FMNL2: variants seen among roughly 807,000 people sequenced by gnomAD.
FMNL2 encodes the protein formin-like protein 2.
FMNL2 carries 51 observed loss-of-function variants against 130.2 expected under a neutral mutation model. The observed-to-expected ratio is 0.39, with a 90% confidence interval of 0.31 to 0.49. The LOEUF (loss-of-function observed/expected upper bound fraction) is 0.49, where lower values mean the gene tolerates loss of function less well. Among genes scored for constraint, FMNL2 ranks in the 20% least tolerant of loss-of-function variants. The pLI, the probability that FMNL2 is intolerant of heterozygous loss-of-function variation, is 0.85. For missense variants in FMNL2, 977 were observed against 1,316.2 expected (o/e 0.74, Z 3.99); for synonymous variants, 465 against 467.1 (o/e 1.00, Z 0.06).
chr2:152,399,597 C>A (rs1190538667), intron 1 of FMNL2, among the ~76,000 whole-genome samples: 2 of 151,794 alleles, frequency 1.3e-5, no homozygotes, highest in Non-Finnish European at 2.9e-5. Context: ...CTGGGGTTGG[C>A]AGTGAAGTAG....
At chr2:152,449,279 G>T (rs77006803) in intron 1 of FMNL2, among the ~76,000 whole-genome samples, 7 of 152,080 alleles carry the variant, frequency 4.6e-5, no homozygotes, top group Non-Finnish European at 1.5e-5. Context: ...TGCTTAATAT[G>T]CAGTGATATG....
rs552912805 is a variant in FMNL2, at chr2:152,404,062, G to A, written c.117+68342G>A. On this transcript the variant is annotated intron_variant, in intron 1 of 25. Transcript: ENST00000288670. ...CAGCCTGGTGACAGAGCGAGACTCC[G>A]TCTCAATAAATAAATAAATAAATGT... Among the ~76,000 whole-genome samples the A allele has an allele frequency of 5.9e-5, 9 of 152,278 alleles. No individual in the cohort carries two copies. In the South Asian group the frequency reaches 8.3e-4, roughly 14 times the overall value.
chr2:152,524,893 G>A (rs1373673985), intron 2 of FMNL2, among the ~76,000 whole-genome samples: 1 of 152,162 alleles, frequency 6.6e-6, no homozygotes, highest in Non-Finnish European at 1.5e-5. Flanking sequence ...GGCTGTTAGA[G>A]ACCATTTATC....
chr2:152,401,851 GA>G (rs1294132741), intron 1 of FMNL2, among the ~76,000 whole-genome samples: 8 of 142,206 alleles, frequency 5.6e-5, no homozygotes, highest in African/African-American at 1.8e-4. Flanking sequence ...GAGAGGCAGA[GA>G]AAAAAACTGA....
chr2:152,563,858 G>A (rs1695662665), intron 6 of FMNL2, among the ~76,000 whole-genome samples: 1 of 152,094 alleles, frequency 6.6e-6, no homozygotes, highest in Non-Finnish European at 1.5e-5. Context: ...CACTAGAGCT[G>A]CTTCTCCCCT....
At chr2:152,488,525 A>G (rs964593550) in intron 1 of FMNL2, among the ~76,000 whole-genome samples, 5 of 152,260 alleles carry the variant, frequency 3.3e-5, no homozygotes, top group Non-Finnish European at 5.9e-5. Flanking sequence ...ATCACAAAAG[A>G]AAAACTGAGA....
chr2:152,363,897 C>T (rs1683333234), intron 1 of FMNL2, among the ~76,000 whole-genome samples: 1 of 152,120 alleles, frequency 6.6e-6, no homozygotes, highest in Non-Finnish European at 1.5e-5. Context: ...GTGTCTGGCA[C>T]CTGCTAGACA....
In FMNL2 at chr2:152,428,463, ATTTTTC is replaced by A. The variant is rs1240363903; in HGVS notation, c.117+92746_117+92751del. Among the ~76,000 whole-genome samples, 7 of 152,120 alleles carry A rather than the reference ATTTTTC, an allele frequency of 4.6e-5. No homozygotes were observed. In the East Asian group the frequency reaches 1.4e-3, roughly 29 times the overall value. On this transcript the variant is annotated intron_variant, in intron 1 of 25. Transcript: ENST00000288670. ...TATTGCTCTTTGTGTTGCCTGCAGT[ATTTTTC>A]TTCTCATTTGTAAATATATTTTCCA...
chr2:152,391,994 C>T (rs942737887), intron 1 of FMNL2, among the ~76,000 whole-genome samples: 1 of 148,862 alleles, frequency 6.7e-6, no homozygotes, highest in African/African-American at 2.5e-5. Flanking sequence ...ATGCCAACTC[C>T]TTGATTCATT....
At chr2:152,557,370 T>C (rs1239400662) in intron 4 of FMNL2, among the ~76,000 whole-genome samples, 2 of 152,218 alleles carry the variant, frequency 1.3e-5, no homozygotes, top group Admixed American at 6.5e-5. Flanking sequence ...TTAAATGTTA[T>C]ATGTTTACAG....
intron 15 of FMNL2, chr2:152,622,636 C>G: frequency 2.2e-6 from 1 of 456,268 alleles, no homozygotes; most frequent in Non-Finnish European, 4.4e-6. Flanking sequence ...CATCTTTCCA[C>G]TCCATTTTGC....
intron 1 of FMNL2, among the ~76,000 whole-genome samples, chr2:152,415,340 A>G (rs952024083): frequency 6.6e-6 from 1 of 152,228 alleles, no homozygotes; most frequent in Non-Finnish European, 1.5e-5. Flanking sequence ...GCTCTGCTGC[A>G]TTTTGAGTAC....
rs1362731707 is a variant in FMNL2, at chr2:152,397,382, TA to T, written c.117+61663del. 2.2e-4 allele frequency among the ~76,000 whole-genome samples: 9 copies of T among 40,574 alleles called. No individual in the cohort carries two copies. In the East Asian group the frequency reaches 0.026, roughly 119 times the overall value. The allele number at this position is 40,574 out of a possible 152,430, so 26.6% of individuals were successfully genotyped here. ...TTTCCTTTTATCTGTCTGAGCCAGT[TA>T]GGGGGAAAAAAAAAAATGAGGTTTT... On this transcript the variant is annotated intron_variant, in intron 1 of 25. Coordinates refer to ENST00000288670, the MANE Select transcript of FMNL2 (RefSeq NM_052905.4).
chr2:152,643,887 A>G (rs1250273939), intron 25 of FMNL2: 5 of 985,350 alleles, frequency 5.1e-6, no homozygotes, highest in African/African-American at 1.7e-5. Flanking sequence ...ATGTCCTTCA[A>G]CATATCCATT....
At chr2:152,370,680 C>A (rs1187607482) in intron 1 of FMNL2, among the ~76,000 whole-genome samples, 1 of 152,116 alleles carries the variant, frequency 6.6e-6, no homozygotes, top group Admixed American at 6.5e-5. Flanking sequence ...TTACTTGAAC[C>A]TTTGTGAAGG....
rs1245425532 is a variant in FMNL2, at chr2:152,601,374, A to C, written c.877-5965A>C. 1.2e-4 allele frequency among the ~76,000 whole-genome samples: 17 copies of C among 139,588 alleles called. No individual in the cohort carries two copies. The South Asian group carries it at 1.8e-3, about 14-fold the overall frequency. The allele number at this position is 139,588 out of a possible 152,430, so 91.6% of individuals were successfully genotyped here. A position where few individuals can be genotyped will look rare whatever the true frequency, so the allele number is the denominator to read the frequency against. On this transcript the variant is annotated intron_variant, in intron 9 of 25. Transcript: ENST00000288670. ...GGAGTGCAGTGGCACGATCTCGGCT[A>C]ACTGCAACCTCCATCCCCCAGGTTC...
At chr2:152,504,534 C>T (rs1050332398) in intron 1 of FMNL2, among the ~76,000 whole-genome samples, 9 of 152,144 alleles carry the variant, frequency 5.9e-5, no homozygotes, top group East Asian at 1.9e-4. Context: ...CATGAGCCAC[C>T]GCGCTCAGCC....
intron 1 of FMNL2, among the ~76,000 whole-genome samples, chr2:152,360,593 T>G (rs1255275832): frequency 6.6e-6 from 1 of 152,230 alleles, no homozygotes; most frequent in East Asian, 1.9e-4. Context: ...GAATTAAGAT[T>G]ATTCTTTGAA....
chr2:152,611,847 C>A (rs1303029486), intron 11 of FMNL2, among the ~76,000 whole-genome samples: 2 of 152,190 alleles, frequency 1.3e-5, no homozygotes, highest in Non-Finnish European at 2.9e-5. Flanking sequence ...AGTCAGATAA[C>A]CTCTTGCAGC....
Sources: gnomAD v4.1 joint callset for allele counts (sites outside exome capture counted in the v4.1 genomes callset) on GRCh38, gnomAD v4.1.1 for gene constraint, MANE v1.5 for transcripts, NCBI Gene and HGNC (gene_info 2026-07-23, HGNC 2026-07-21) for gene names.